Variants in CDH13 observed in about 807,000 individuals in gnomAD.
CDH13 encodes the protein cadherin-13.
Under a neutral mutation model 63.8 loss-of-function variants are expected in CDH13, and 24 were observed. The ratio of observed to expected loss-of-function variants is 0.38; its 90% CI spans 0.27 to 0.53. The LOEUF (loss-of-function observed/expected upper bound fraction) is 0.53. CDH13 is among the 20% of genes least tolerant of loss of function. The pLI is 0.85. For missense variants in CDH13, 1,049 were observed against 903.1 expected, an observed-to-expected ratio of 1.16 and a Z score of -2.07; for synonymous variants, 503 against 355.3, an observed-to-expected ratio of 1.42 and a Z score of -4.67.
rs573088098 is a variant in CDH13 at position 82,637,428 on chromosome 16, C to CT, written c.45+10311dup. 7.8e-3 allele frequency among the ~76,000 whole-genome samples: 637 copies of CT among 81,616 alleles called. 60 individuals carry two copies. Among genetic ancestry groups the CT allele is most frequent in the African/African-American group, 0.016 (314 of 19,228 alleles). The allele number at this position is 81,616 out of a possible 152,430, so 53.5% of individuals were successfully genotyped here. A position where few individuals can be genotyped will look rare whatever the true frequency, so the allele number is the denominator to read the frequency against. Reference sequence around the variant, plus strand: ...GCTGAGGTCTGTACAGTTACTGTGCCTTTTTTTTTTTTTTTTTTTTGAGAC... The same window carrying CT: ...GCTGAGGTCTGTACAGTTACTGTGCCTTTTTTTTTTTTTTTTTTTTTGAGAC... On this transcript the variant is annotated intron_variant, in intron 1 of 13. Transcript: ENST00000567109.
At chr16:83,264,499 C>T (rs915214362) in intron 5 of CDH13, among the ~76,000 whole-genome samples, 3 of 151,414 alleles carry the variant, frequency 2.0e-5, no homozygotes, top group Non-Finnish European at 4.4e-5. Context: ...ACATATTATA[C>T]ACATGTATGT....
At chr16:83,460,036 A>G (rs563585045) in intron 6 of CDH13, among the ~76,000 whole-genome samples, 3 of 152,366 alleles carry the variant, frequency 2.0e-5, no homozygotes, top group Admixed American at 6.5e-5. Flanking sequence ...TAACAAGATT[A>G]TATAAAGAAC....
At chr16:82,791,867 C>G (rs917512808) in intron 1 of CDH13, among the ~76,000 whole-genome samples, 1 of 152,164 alleles carries the variant, frequency 6.6e-6, no homozygotes, top group Non-Finnish European at 1.5e-5. Context: ...GGTTCCATTC[C>G]CTGGAATTCA....
intron 6 of CDH13, among the ~76,000 whole-genome samples, chr16:83,470,703 C>G (rs2151538501): frequency 6.6e-6 from 1 of 152,342 alleles, no homozygotes; most frequent in East Asian, 1.9e-4. Flanking sequence ...CAGCAGATAA[C>G]ACGCCTAGCC....
At chr16:83,583,627 G>A (rs1018126523) in intron 7 of CDH13, among the ~76,000 whole-genome samples, 1 of 152,252 alleles carries the variant, frequency 6.6e-6, no homozygotes, top group African/African-American at 2.4e-5. Flanking sequence ...GCATCAAAGA[G>A]TGTGATTTGG....
At chr16:83,567,945 AG>A (rs1207371440) in intron 7 of CDH13, among the ~76,000 whole-genome samples, 1 of 152,196 alleles carries the variant, frequency 6.6e-6, no homozygotes, top group African/African-American at 2.4e-5. Context: ...CTGCAACCAA[AG>A]CCCCAATTCA....
chr16:82,923,900 C>G (rs2042230339), intron 2 of CDH13, among the ~76,000 whole-genome samples: 1 of 152,164 alleles, frequency 6.6e-6, no homozygotes, highest in South Asian at 2.1e-4. Flanking sequence ...ATTTTCCCAG[C>G]CCTTCCTCTC....
intron 8 of CDH13, among the ~76,000 whole-genome samples, chr16:83,669,970 A>T (rs926093372): frequency 4.6e-5 from 7 of 152,206 alleles, no homozygotes; most frequent in African/African-American, 1.4e-4. Flanking sequence ...AAGCTCATGA[A>T]ATTCTCTATC....
In CDH13 at chr16:83,701,402, A is replaced by T. The variant is rs539521962; in HGVS notation, c.1538+22941A>T. ...TCCTTCATCATTTCATTCGGTCCAC[A>T]CGTATCCATGCGGTGCACTCTGTGT... On this transcript the variant is annotated intron_variant, in intron 10 of 13. Coordinates refer to ENST00000567109, the MANE Select transcript of CDH13 (RefSeq NM_001257.5). Among the ~76,000 whole-genome samples, 9 of 152,226 alleles carry T rather than the reference A, an allele frequency of 5.9e-5. No individual in the cohort carries two copies. In the South Asian group the frequency reaches 1.9e-3, roughly 32 times the overall value.
chr16:83,313,666 A>AAAAAAAAAAAAAAAAAAAAAAAAAAAAT (rs1555528954), intron 5 of CDH13, among the ~76,000 whole-genome samples: 1 of 144,210 alleles, frequency 6.9e-6, no homozygotes. Flanking sequence ...AAAAAAAAAA[A>AAAAAAAAAAAAAAAAAAAAAAAAAAAAT]GGGAGGTCCT....
chr16:82,639,854 A>G (rs1909167922), intron 1 of CDH13, among the ~76,000 whole-genome samples: 1 of 152,234 alleles, frequency 6.6e-6, no homozygotes, highest in Non-Finnish European at 1.5e-5. Flanking sequence ...TCTGGTGGAC[A>G]GACACTCTCT....
intron 3 of CDH13, among the ~76,000 whole-genome samples, chr16:83,084,771 C>T (rs1431992479): frequency 6.6e-6 from 1 of 152,066 alleles, no homozygotes; most frequent in African/African-American, 2.4e-5. Context: ...ACCTGTAATC[C>T]CAGCTACTCA....
intron 1 of CDH13, among the ~76,000 whole-genome samples, chr16:82,820,509 G>C (rs1221431195): frequency 6.6e-6 from 1 of 152,172 alleles, no homozygotes. Context: ...GTGGAGGCAG[G>C]ATTTGAACAC....
rs185402961 is a variant in CDH13, at chr16:83,208,898, T to C, written c.484-8447T>C. Among the ~76,000 whole-genome samples the C allele has an allele frequency of 3.1e-4, 47 of 152,288 alleles. No individual in the cohort carries two copies. In the Middle Eastern group the frequency reaches 0.02, roughly 66 times the overall value. On this transcript the variant is annotated intron_variant, in intron 4 of 13. Transcript: ENST00000567109. The stretch of plus-strand genomic sequence containing the variant: ...AAGCTGCCTTGCCTCACAAGCAGTG[T>C]TCACTTGGAGGGTCTCCATTTAAAG...
At chr16:82,714,943 C>A (rs1399172782) in intron 1 of CDH13, among the ~76,000 whole-genome samples, 1 of 115,988 alleles carries the variant, frequency 8.6e-6, no homozygotes, top group Non-Finnish European at 1.9e-5. Flanking sequence ...GAACTGTGAG[C>A]GATCACATTT....
chr16:82,736,296 C>G (rs957024506), intron 1 of CDH13, among the ~76,000 whole-genome samples: 3 of 152,034 alleles, frequency 2.0e-5, no homozygotes, highest in Admixed American at 6.5e-5. Flanking sequence ...ATGTTTAACT[C>G]TGGAGGTTAA....
chr16:83,192,393 G>A (rs1224146011), intron 4 of CDH13, among the ~76,000 whole-genome samples: 1 of 152,196 alleles, frequency 6.6e-6, no homozygotes, highest in African/African-American at 2.4e-5. Flanking sequence ...GCCGTTCAGA[G>A]TTGTGGCCTT....
At chr16:83,192,150 G>A (rs11150545) in intron 4 of CDH13, among the ~76,000 whole-genome samples, 22,746 of 152,164 alleles carry the variant, frequency 0.15, 2,398 homozygotes, top group African/African-American at 0.3. Flanking sequence ...AGCAAGAGCC[G>A]TTCCTTTGCC....
At chr16:82,786,147 G>T (rs1198415454) in intron 1 of CDH13, among the ~76,000 whole-genome samples, 1 of 152,216 alleles carries the variant, frequency 6.6e-6, no homozygotes, top group Non-Finnish European at 1.5e-5. Flanking sequence ...ATGAGTCAGG[G>T]TGGAGTAGGT....
Sources: allele counts gnomAD v4.1 joint callset (sites outside exome capture counted in the v4.1 genomes callset), GRCh38; gene constraint gnomAD v4.1.1; transcripts MANE v1.5; gene names NCBI Gene and HGNC (gene_info 2026-07-23, HGNC 2026-07-21).